The following MTUS2 variants were observed in gnomAD, a reference collection of about 807,000 sequenced individuals.
MTUS2 encodes microtubule-associated tumor suppressor candidate 2.
A neutral mutation model predicts 114.1 loss-of-function variants in MTUS2; 40 were observed. The ratio of observed to expected loss-of-function variants is 0.35; its 90% CI spans 0.27 to 0.46. The LOEUF is 0.46. Ranked by LOEUF, MTUS2 falls within the 20% of genes least tolerant of loss-of-function variation. MTUS2 has a pLI of 1.00. For missense variants in MTUS2, 1,679 were observed against 1,705.4 expected (o/e 0.98, Z 0.27); for synonymous variants, 688 against 672.0 (o/e 1.02, Z -0.37).
intron 8 of MTUS2, among the ~76,000 whole-genome samples, chr13:29,369,136 A>G (rs948068059): frequency 6.6e-6 from 1 of 152,166 alleles, no homozygotes; most frequent in African/African-American, 2.4e-5. Flanking sequence ...AGGTTACAGA[A>G]TGAGGAAGTA....
chr13:29,452,574 ATGTGTGTGTGTGTG>A (rs56367128), intron 9 of MTUS2, among the ~76,000 whole-genome samples: 4 of 130,260 alleles, frequency 3.1e-5, no homozygotes, highest in South Asian at 2.7e-4. Flanking sequence ...ATATATATAT[ATGTGTGTGTGTGTG>A]TGTGTGTGTG....
intron 5 of MTUS2, among the ~76,000 whole-genome samples, chr13:29,124,789 G>A (rs551306896): frequency 6.9e-4 from 105 of 152,314 alleles, no homozygotes; most frequent in African/African-American, 2.5e-3. Context: ...TACAACATGG[G>A]TGAACCTTGA....
At chr13:29,384,396 A>C (rs1004187991) in intron 8 of MTUS2, among the ~76,000 whole-genome samples, 1 of 152,226 alleles carries the variant, frequency 6.6e-6, no homozygotes, top group African/African-American at 2.4e-5. Flanking sequence ...CATTCTGTTC[A>C]GAAGAAAATA....
chr13:29,441,338 G>A (rs1383774651), intron 9 of MTUS2, among the ~76,000 whole-genome samples: 1 of 152,204 alleles, frequency 6.6e-6, no homozygotes, highest in Admixed American at 6.5e-5. Flanking sequence ...AGGAGCGGGA[G>A]GGGAGAAAGT....
At chr13:29,261,966 T>A (rs1375610665) in intron 5 of MTUS2, among the ~76,000 whole-genome samples, 1 of 152,260 alleles carries the variant, frequency 6.6e-6, no homozygotes, top group Non-Finnish European at 1.5e-5. Flanking sequence ...TTTGGTCTTT[T>A]AAGTAACTAA....
intron 7 of MTUS2, among the ~76,000 whole-genome samples, chr13:29,354,997 T>G (rs1434540497): frequency 3.3e-5 from 5 of 152,204 alleles, no homozygotes; most frequent in Non-Finnish European, 7.3e-5. Context: ...TGCCTTCTTA[T>G]CTATGGTGTG....
intron 2 of MTUS2, among the ~76,000 whole-genome samples, chr13:28,938,253 G>C (rs1000771123): frequency 6.6e-6 from 1 of 151,826 alleles, no homozygotes; most frequent in African/African-American, 2.4e-5. Flanking sequence ...ATGGTGTCGC[G>C]TGCCTGTAGT....
intron 2 of MTUS2, among the ~76,000 whole-genome samples, chr13:28,883,274 C>G (rs1047026421): frequency 1.3e-5 from 2 of 152,224 alleles, no homozygotes; most frequent in African/African-American, 4.8e-5. Flanking sequence ...GTACTAACTA[C>G]ACAACTCGGC....
intron 2 of MTUS2, among the ~76,000 whole-genome samples, chr13:29,015,518 A>G (rs1235397628): frequency 1.3e-5 from 2 of 152,232 alleles, no homozygotes; most frequent in African/African-American, 2.4e-5. Context: ...ACAAAAACCC[A>G]TGCTGGAGCT....
chr13:28,914,643 T>C (rs1394377389), intron 2 of MTUS2, among the ~76,000 whole-genome samples: 3 of 152,078 alleles, frequency 2.0e-5, no homozygotes, highest in Non-Finnish European at 4.4e-5. Flanking sequence ...AATATCTTTG[T>C]TAATTTTCTG....
chr13:29,275,022 T>C (rs1486252530), intron 5 of MTUS2, among the ~76,000 whole-genome samples: 1 of 152,158 alleles, frequency 6.6e-6, no homozygotes, highest in Non-Finnish European at 1.5e-5. Context: ...GTGTGAGCCA[T>C]CATGCCCAGC....
intron 5 of MTUS2, among the ~76,000 whole-genome samples, chr13:29,137,124 T>C (rs142234999): frequency 6.6e-6 from 1 of 152,240 alleles, no homozygotes; most frequent in South Asian, 2.1e-4. Flanking sequence ...TGCATCCTTA[T>C]AAGAACTCTT....
In MTUS2 at chr13:29,325,646, A is replaced by G. The variant is rs184382689; in HGVS notation, c.2905+935A>G. Among the ~76,000 whole-genome samples the G allele has an allele frequency of 4.9e-4, 74 of 152,276 alleles. No individual in the cohort carries two copies. In the Middle Eastern group the frequency reaches 0.01, roughly 21 times the overall value. On this transcript the variant is annotated intron_variant, in intron 7 of 15. Transcript: ENST00000612955. The stretch of plus-strand genomic sequence containing the variant: ...TCATGCCATTGTAGAACAGTATGTA[A>G]CACAACTTCAAAAGATTTTCTTTAA...
intron 5 of MTUS2, among the ~76,000 whole-genome samples, chr13:29,195,752 A>T (rs1438583360): frequency 6.6e-6 from 1 of 152,136 alleles, no homozygotes; most frequent in Non-Finnish European, 1.5e-5. Flanking sequence ...AGAGTGTTTC[A>T]TGAGGGGAAA....
intron 2 of MTUS2, among the ~76,000 whole-genome samples, chr13:28,955,124 A>AG (rs1566249680): frequency 6.6e-6 from 1 of 152,194 alleles, no homozygotes; most frequent in Admixed American, 6.5e-5. Context: ...GATAGGATCC[A>AG]AAGACTTTGC....
At chr13:29,046,872 C>G (rs927318911) in intron 4 of MTUS2, among the ~76,000 whole-genome samples, 5 of 152,176 alleles carry the variant, frequency 3.3e-5, no homozygotes, top group African/African-American at 9.7e-5. Context: ...CCTTTCCTCT[C>G]CACTTTCTTT....
intron 5 of MTUS2, among the ~76,000 whole-genome samples, chr13:29,137,719 C>A (rs541068053): frequency 1.3e-5 from 2 of 151,782 alleles, no homozygotes; most frequent in African/African-American, 4.8e-5. Flanking sequence ...CAGGTTCAAG[C>A]GATTCTCCTG....
chr13:28,941,108 ACCT>A (rs1882210087), intron 2 of MTUS2, among the ~76,000 whole-genome samples: 1 of 151,766 alleles, frequency 6.6e-6, no homozygotes. Flanking sequence ...AGATCTTAAC[ACCT>A]CCTCTTCAGT....
intron 2 of MTUS2, among the ~76,000 whole-genome samples, chr13:28,859,231 G>A (rs1229504988): frequency 1.3e-5 from 2 of 152,180 alleles, no homozygotes; most frequent in African/African-American, 4.8e-5. Context: ...CCTGTTCAGT[G>A]GTCAGTACTA....
Sources: gnomAD v4.1 joint callset for allele counts (sites outside exome capture counted in the v4.1 genomes callset) on GRCh38, gnomAD v4.1.1 for gene constraint, MANE v1.5 for transcripts, NCBI Gene and HGNC (gene_info 2026-07-23, HGNC 2026-07-21) for gene names.